The following LINGO2 variants were observed in gnomAD, a reference collection of about 807,000 sequenced individuals.
LINGO2 encodes leucine rich repeat and Ig domain containing 2, also known as leucine-rich repeat and immunoglobulin-like domain-containing nogo receptor-interacting protein 2.
A neutral mutation model predicts 30.6 loss-of-function variants in LINGO2; 14 were observed. The ratio of observed to expected loss-of-function variants is 0.46; its 90% CI spans 0.30 to 0.72. The LOEUF is 0.72. Among genes scored for constraint, LINGO2 ranks in the 30% least tolerant of loss-of-function variants. The pLI, the probability that LINGO2 is intolerant of heterozygous loss-of-function variation, is 0.07. For missense variants in LINGO2, 729 were observed against 751.7 expected (o/e 0.97, Z 0.35); for synonymous variants, 317 against 288.5 (o/e 1.10, Z -1.00).
chr9:28,096,809 T>G (rs1263049910), intron 4 of LINGO2, among the ~76,000 whole-genome samples: 1 of 152,080 alleles, frequency 6.6e-6, no homozygotes, highest in East Asian at 1.9e-4. Flanking sequence ...TGTAATGTCT[T>G]GGCATTCATC....
the LINGO2 span, among the ~76,000 whole-genome samples, chr9:28,992,798 G>T: frequency 2.6e-5 from 4 of 152,062 alleles, no homozygotes; most frequent in African/African-American, 9.7e-5. Context: ...CAGAAATAAA[G>T]ATGTTCTTTG....
intron 4 of LINGO2, among the ~76,000 whole-genome samples, chr9:28,068,515 A>G (rs1825379768): frequency 6.6e-6 from 1 of 152,172 alleles, no homozygotes; most frequent in African/African-American, 2.4e-5. Context: ...CAATATATAA[A>G]TTTTGGGAGA....
the LINGO2 span, chr9:27,939,836 A>C: frequency 3.5e-4 from 54 of 152,214 alleles, no homozygotes; most frequent in Admixed American, 3.5e-3. Flanking sequence ...CTGCAGTTAG[A>C]AAAGGGTTCA....
At chr9:28,743,332 C>G in the LINGO2 span, among the ~76,000 whole-genome samples, 1 of 151,960 alleles carries the variant, frequency 6.6e-6, no homozygotes, top group South Asian at 2.1e-4. Flanking sequence ...TATCCCTCCC[C>G]TAGGCCCCCA....
chr9:29,063,562 C>T, the LINGO2 span, among the ~76,000 whole-genome samples: 7 of 151,972 alleles, frequency 4.6e-5, no homozygotes, highest in African/African-American at 1.4e-4. Flanking sequence ...CCATGCCCGG[C>T]GAATATCTGT....
chr9:28,495,686 C>T (rs1564241655), intron 1 of LINGO2, among the ~76,000 whole-genome samples: 1 of 152,128 alleles, frequency 6.6e-6, no homozygotes. Context: ...TTAGTTATTT[C>T]TTGCCTTCTG....
At chr9:29,211,583 C>CTTCTCTTCTCTTCTCTTCTCTTCTCT in the LINGO2 span, among the ~76,000 whole-genome samples, 3 of 148,132 alleles carry the variant, frequency 2.0e-5, no homozygotes, top group African/African-American at 5.2e-5. Context: ...CTTCTCTTCT[C>CTTCTCTTCTCTTCTCTTCTCTTCTCT]TCTCTCTCTC....
the LINGO2 span, among the ~76,000 whole-genome samples, chr9:28,821,224 G>A: frequency 3.9e-5 from 6 of 152,206 alleles, no homozygotes; most frequent in Non-Finnish European, 5.9e-5. Context: ...AGGGTCCTCC[G>A]GTTATATTTA....
At chr9:28,870,964 C>T in the LINGO2 span, among the ~76,000 whole-genome samples, 1 of 151,742 alleles carries the variant, frequency 6.6e-6, no homozygotes, top group South Asian at 2.1e-4. Flanking sequence ...TTTTTTTGTA[C>T]TACATAGTAG....
downstream of LINGO2, among the ~76,000 whole-genome samples, chr9:27,945,721 C>A (rs1346745414): frequency 6.6e-6 from 1 of 152,102 alleles, no homozygotes; most frequent in Non-Finnish European, 1.5e-5. Flanking sequence ...AGGGAAAATT[C>A]ATTAACCCTT....
intron 1 of LINGO2, among the ~76,000 whole-genome samples, chr9:28,500,873 G>A (rs910747820): frequency 6.6e-6 from 1 of 152,086 alleles, no homozygotes; most frequent in Non-Finnish European, 1.5e-5. Context: ...CAAAAGGAAA[G>A]CAGCTTGAAT....
At chr9:29,008,465 T>C in the LINGO2 span, among the ~76,000 whole-genome samples, 1 of 152,298 alleles carries the variant, frequency 6.6e-6, no homozygotes, top group East Asian at 1.9e-4. Context: ...CTGGGTCAAA[T>C]GGTATTTCCA....
the LINGO2 span, among the ~76,000 whole-genome samples, chr9:28,964,313 A>G: frequency 6.6e-6 from 1 of 151,936 alleles, no homozygotes. Flanking sequence ...TGGATGATAG[A>G]GGAAATACAC....
At chr9:28,626,204 C>A (rs1192532900) in intron 1 of LINGO2, among the ~76,000 whole-genome samples, 1 of 152,050 alleles carries the variant, frequency 6.6e-6, no homozygotes, top group African/African-American at 2.4e-5. Context: ...TGCTTGTTAG[C>A]CATTATCACT....
At chr9:29,057,857 C>T in the LINGO2 span, among the ~76,000 whole-genome samples, 1 of 152,080 alleles carries the variant, frequency 6.6e-6, no homozygotes, top group East Asian at 1.9e-4. Context: ...TATTAAAATC[C>T]AGGGCATTCG....
At chr9:29,012,357 C>CA in the LINGO2 span, among the ~76,000 whole-genome samples, 32 of 146,966 alleles carry the variant, frequency 2.2e-4, no homozygotes, top group South Asian at 6.4e-4. Context: ...GATTCCATCT[C>CA]AAAAAAAAAA....
chr9:28,925,892 CT>C, the LINGO2 span, among the ~76,000 whole-genome samples: 1 of 152,140 alleles, frequency 6.6e-6, no homozygotes, highest in Non-Finnish European at 1.5e-5. Context: ...ACATAGAGAC[CT>C]TGGGTCCAGA....
chr9:28,427,444 T>G (rs891686687), intron 2 of LINGO2, among the ~76,000 whole-genome samples: 3 of 152,176 alleles, frequency 2.0e-5, no homozygotes, highest in Non-Finnish European at 2.9e-5. Flanking sequence ...TAGCACTTGA[T>G]GTATATTCTC....
the LINGO2 span, among the ~76,000 whole-genome samples, chr9:28,810,775 CTT>C: frequency 6.6e-6 from 1 of 152,072 alleles, no homozygotes; most frequent in Non-Finnish European, 1.5e-5. Flanking sequence ...ACAGTTGAAA[CTT>C]GTTTTCCTTC....
Sources: gnomAD v4.1 joint callset for allele counts (sites outside exome capture counted in the v4.1 genomes callset) on GRCh38, gnomAD v4.1.1 for gene constraint, MANE v1.5 for transcripts, NCBI Gene and HGNC (gene_info 2026-07-23, HGNC 2026-07-21) for gene names.